The following NECTIN4 variants were observed in gnomAD, a reference collection of about 807,000 sequenced individuals.
The protein encoded by NECTIN4 is nectin-4.
A neutral mutation model predicts 51.7 loss-of-function variants in NECTIN4; 19 were observed. The ratio of observed to expected loss-of-function variants is 0.37; its 90% CI spans 0.26 to 0.54. The LOEUF is 0.54. NECTIN4 is among the 20% of genes least tolerant of loss of function. The pLI, the probability that NECTIN4 is intolerant of heterozygous loss-of-function variation, is 0.86. For missense variants in NECTIN4, 619 were observed against 662.4 expected (o/e 0.93, Z 0.72); for synonymous variants, 283 against 286.9 (o/e 0.99, Z 0.14).
In NECTIN4 at chr1:161,089,235, A is replaced by C; in HGVS notation, c.62T>G (p.Leu21Arg). 1 of 1,613,006 alleles carries C rather than the reference A, an allele frequency of 6.2e-7. No individual in the cohort carries two copies. Among genetic ancestry groups the C allele is most frequent in the Non-Finnish European group, 8.5e-7 (1 of 1,179,994 alleles). The change falls in exon 1 of 9, where the codon CTG (leucine) becomes CGG (arginine). Residue 21 changes from leucine (L) to arginine (R), a missense_variant. Coordinates refer to ENST00000368012, the MANE Select transcript of NECTIN4 (RefSeq NM_030916.3). The surrounding 1 kb of genome is among the most constrained non-coding windows in gnomAD (Gnocchi z 4.1). ...AGTCCTACCTGTAAATGATGCCAGC[A>C]GTAGCAGCAGCAGCAGCCAGGCCTC... ...GPEAWLLLLL[L>R]LASFTGRCPA...
In NECTIN4 at chr1:161,072,687, T is replaced by G; in HGVS notation, c.1507A>C (p.Ile503Leu). 1 of 1,614,120 alleles carries G rather than the reference T, an allele frequency of 6.2e-7. No homozygotes were observed. Among genetic ancestry groups the G allele is most frequent in the Non-Finnish European group, 8.5e-7 (1 of 1,179,972 alleles). Residue 503 changes from isoleucine to leucine, a missense_variant, in exon 9 of 9, where the codon ATC (isoleucine) becomes CTC (leucine). Ile to Leu is a conservative substitution (Grantham distance 5). Coordinates refer to ENST00000368012, the MANE Select transcript of NECTIN4 (RefSeq NM_030916.3). ...RAKPTGNGIY[I>L]NGRGHLV Reference sequence around the variant, plus strand: ...CAGACCAGGTGTCCCCGCCCATTGATGTAGATGCCATTGCCCGTGGGCTTG... The same window carrying G: ...CAGACCAGGTGTCCCCGCCCATTGAGGTAGATGCCATTGCCCGTGGGCTTG...
intron 1 of NECTIN4, among the ~76,000 whole-genome samples, chr1:161,083,581 C>T (rs561156764): frequency 5.9e-5 from 9 of 152,336 alleles, no homozygotes; most frequent in Non-Finnish European, 1.0e-4. Context: ...ACACTCCTCC[C>T]TCTGACCCTC....
chr1:161,089,157 T>A lies in NECTIN4; in HGVS notation c.79+61A>T, dbSNP rs759583253. On this transcript the variant is annotated intron_variant, in intron 1 of 8. Transcript: ENST00000368012. The surrounding 1 kb of genome is among the most constrained non-coding windows in gnomAD (Gnocchi z 4.1). ...GCGTGTGTGTCTATGTGTTTGTGCA[T>A]GTGTGTCAGTGCCAGGTTGGGCTCA... is the stretch of plus-strand genomic sequence containing the variant. 2.1e-6 allele frequency: 3 copies of A among 1,437,496 alleles called. No individual in the cohort carries two copies. 89.0% of individuals were successfully genotyped at this position (1,437,496 alleles called of 1,614,324 possible).
intron 3 of NECTIN4, among the ~76,000 whole-genome samples, chr1:161,076,992 G>T (rs559046934): frequency 1.8e-5 from 1 of 54,394 alleles, no homozygotes; most frequent in East Asian, 3.6e-4. Flanking sequence ...CACTGTGTGA[G>T]TTGCTCTGCA....
chr1:161,074,446 G>GC, intron 5 of NECTIN4, 73 bp from the exon 6 acceptor site: 1 of 1,604,194 alleles, frequency 6.2e-7, no homozygotes, highest in Non-Finnish European at 8.5e-7. Context: ...CAGCTCCCCC[G>GC]CAAAACATCT....
At position 161,075,945 on chromosome 1, in the gene NECTIN4, G is replaced by A. The variant is rs551082114; in HGVS notation, c.851+410C>T. Reference sequence around the variant, plus strand: ...ACAAAAATTAGCTGGGGTTGGTGGCGCGCACCTGTAATCCCAGCTACTCAG... The same window carrying A: ...ACAAAAATTAGCTGGGGTTGGTGGCACGCACCTGTAATCCCAGCTACTCAG... On this transcript the variant is annotated intron_variant, in intron 4 of 8. Coordinates refer to ENST00000368012, the MANE Select transcript of NECTIN4 (RefSeq NM_030916.3). Among the ~76,000 whole-genome samples the A allele has an allele frequency of 3.5e-4, 52 of 149,802 alleles. 1 individual carries two copies. The highest frequency in any genetic ancestry group is 3.2e-3 in the South Asian group (15 of 4,722).
At position 161,089,416 on chromosome 1, in the gene NECTIN4, C is replaced by T. The variant is rs956248980; in HGVS notation, c.-120G>A. 1.2e-5 allele frequency: 11 copies of T among 910,498 alleles called. No homozygotes were observed. The highest frequency in any genetic ancestry group is 3.9e-5 in the Admixed American group (2 of 51,016). The allele number at this position is 910,498 out of a possible 1,614,324, so 56.4% of individuals were successfully genotyped here. The stretch of plus-strand genomic sequence containing the variant: ...AGGAAGCTGCAGAGTTCTTGCCTCT[C>T]GCACTTGGGTCTCCACTAGGGGACC... On this transcript the variant is annotated 5_prime_UTR_variant, in exon 1 of 9. Coordinates refer to ENST00000368012, the MANE Select transcript of NECTIN4 (RefSeq NM_030916.3). This position sits in a 1 kb window ranked among gnomAD's most constrained non-coding sequence, Gnocchi z 4.1.
chr1:161,075,616 CA>C (rs1250644459), intron 4 of NECTIN4, among the ~76,000 whole-genome samples: 3 of 151,922 alleles, frequency 2.0e-5, no homozygotes, highest in Non-Finnish European at 4.4e-5. Flanking sequence ...ACTAAAAATA[CA>C]AAAAACTAGC....
intron 4 of NECTIN4, among the ~76,000 whole-genome samples, chr1:161,075,493 G>T (rs1025457221): frequency 2.0e-5 from 3 of 152,194 alleles, no homozygotes; most frequent in Admixed American, 2.0e-4. Flanking sequence ...AGACAAGGCC[G>T]GGCATGGTGG....
Position 161,071,093 on chromosome 1 carries a change from A to G in NECTIN4, c.*1568T>C, listed in dbSNP as rs1653125318. On this transcript the variant is annotated 3_prime_UTR_variant, in exon 9 of 9. Coordinates refer to ENST00000368012, the MANE Select transcript of NECTIN4 (RefSeq NM_030916.3). Reference sequence around the variant, plus strand: ...GTACATGTTAGGATCTTAGATCTTCAGGCTCCACATTCGAAGTCCTAGGCT... The same window carrying G: ...GTACATGTTAGGATCTTAGATCTTCGGGCTCCACATTCGAAGTCCTAGGCT... 6.6e-6 allele frequency: 1 copy of G among 152,240 alleles called. No homozygotes were observed. The highest frequency in any genetic ancestry group is 1.5e-5 in the Non-Finnish European group (1 of 68,036). The allele number at this position is 152,240 out of a possible 1,614,324, so 9.4% of individuals were successfully genotyped here. A position where few individuals can be genotyped will look rare whatever the true frequency, so the allele number is the denominator to read the frequency against.
Position 161,077,731 on chromosome 1 carries a change from G to A in NECTIN4, c.452C>T (p.Pro151Leu). 6.2e-7 allele frequency: 1 copy of A among 1,608,260 alleles called. No individual in the cohort carries two copies. The highest frequency in any genetic ancestry group is 1.7e-5 in the Admixed American group (1 of 59,996). Residue 151 changes from proline to leucine, a missense_variant, in exon 3 of 9, where the codon CCC becomes CTC. Transcript: ENST00000368012. ...TAGTGCTGGACCAGGATTCAGTGAGGGCAGGGGAGGCACTGCAAATGGGGA... is the reference window on the plus strand; with the variant it reads ...TAGTGCTGGACCAGGATTCAGTGAGAGCAGGGGAGGCACTGCAAATGGGGA... ...LRLRVLVPPL[P>L]SLNPGPALEE...
In NECTIN4 at chr1:161,074,620, C is replaced by T; in HGVS notation, c.991G>A (p.Asp331Asn). 1 of 1,614,262 alleles carries T rather than the reference C, an allele frequency of 6.2e-7. No homozygotes were observed. Among genetic ancestry groups the T allele is most frequent in the Non-Finnish European group, 8.5e-7 (1 of 1,180,054 alleles). The change falls in exon 5 of 9, where the codon GAT (aspartate) becomes AAT (asparagine). Residue 331 changes from aspartate to asparagine, a missense_variant. Physicochemically the swap from Asp to Asn is conservative, Grantham distance 23. This residue lies in a region of NECTIN4 where 364 missense variants were observed against 415.7 expected (regional missense o/e 0.88). Coordinates refer to ENST00000368012, the MANE Select transcript of NECTIN4 (RefSeq NM_030916.3). The stretch of plus-strand genomic sequence containing the variant: ...CTGCTCCAGTGCTTACCAAGAACAT[C>T]CACAGTGACCTGAGAATCCCTTGAG... ...FSSRDSQVTV[D>N]VLDPQEDSGK...
chr1:161,074,890 C>T, intron 4 of NECTIN4, 131 bp from the exon 5 acceptor site: 1 of 979,928 alleles, frequency 1.0e-6, no homozygotes, highest in Non-Finnish European at 1.5e-6. Flanking sequence ...CCCACGGTGC[C>T]CCTCCCTCCA....
intron 1 of NECTIN4, among the ~76,000 whole-genome samples, chr1:161,084,038 T>C (rs1033238225): frequency 1.3e-5 from 2 of 152,180 alleles, no homozygotes; most frequent in African/African-American, 4.8e-5. Flanking sequence ...GATGTGAATG[T>C]AGGGGATCGT....
At chr1:161,083,749 C>A (rs538245744) in intron 1 of NECTIN4, among the ~76,000 whole-genome samples, 6 of 152,346 alleles carry the variant, frequency 3.9e-5, no homozygotes, top group South Asian at 4.1e-4. Flanking sequence ...TGGCCTCCCC[C>A]ACCCTGGCCA....
In NECTIN4 at chr1:161,072,978, G is replaced by A. The variant is rs1370449669; in HGVS notation, c.1309-93C>T. 1.3e-5 allele frequency: 16 copies of A among 1,254,306 alleles called. 1 individual carries two copies. Among genetic ancestry groups the A allele is most frequent in the South Asian group, 5.1e-5 (4 of 78,576 alleles). 77.7% of individuals were successfully genotyped at this position (1,254,306 alleles called of 1,614,324 possible). On this transcript the variant is annotated intron_variant, in intron 8 of 8. Transcript: ENST00000368012. Reference sequence around the variant, plus strand: ...TGGGTCATGGTGGGATCAGAGGCCAGGCGTAAGCAGGGGTAACGGTTGCCT... The same window carrying A: ...TGGGTCATGGTGGGATCAGAGGCCAAGCGTAAGCAGGGGTAACGGTTGCCT...
intron 3 of NECTIN4, among the ~76,000 whole-genome samples, chr1:161,077,149 T>C (rs1321101611): frequency 2.0e-5 from 3 of 152,248 alleles, no homozygotes; most frequent in Non-Finnish European, 4.4e-5. Flanking sequence ...AGTTTATCTA[T>C]TTCCAAATCC....
intron 3 of NECTIN4, 121 bp downstream of exon 3, chr1:161,077,332 A>G (rs1653452369): frequency 3.3e-6 from 3 of 904,852 alleles, no homozygotes; most frequent in Non-Finnish European, 5.1e-6. Context: ...GCTCTGTCAC[A>G]TACTATATAT....
intron 2 of NECTIN4, 143 bp downstream of exon 2, chr1:161,079,447 T>C: frequency 8.9e-7 from 1 of 1,119,846 alleles, no homozygotes; most frequent in Non-Finnish European, 1.3e-6. Context: ...CGAGGATAGC[T>C]AGCTGGATGA....
Sources: gnomAD v4.1 joint callset for allele counts (sites outside exome capture counted in the v4.1 genomes callset) on GRCh38, gnomAD v4.1.1 for gene constraint, gnomAD v4.1.1 regional missense constraint, Gnocchi (gnomAD v3.1) non-coding constraint, MANE v1.5 for transcripts, NCBI Gene and HGNC (gene_info 2026-07-23, HGNC 2026-07-21) for gene names.